CSMD2: variants seen among roughly 807,000 people sequenced by gnomAD.
CSMD2 encodes the protein CUB and Sushi multiple domains 2.
A neutral mutation model predicts 398.5 loss-of-function variants in CSMD2; 130 were observed. That is an observed-to-expected ratio of 0.33 (90% CI 0.28 to 0.38). CSMD2 has a LOEUF of 0.38. Ranked by LOEUF, CSMD2 falls within the 10% of genes least tolerant of loss-of-function variation. The probability of loss-of-function intolerance (pLI) is 1.00; values close to 1 mark genes in which losing one functional copy is unlikely to be tolerated. For missense variants in CSMD2, 3,829 were observed against 4,764.9 expected (o/e 0.80, Z 5.78); for synonymous variants, 1,828 against 1,908.5 (o/e 0.96, Z 1.10).
intron 28 of CSMD2, among the ~76,000 whole-genome samples, chr1:33,651,784 C>T (rs1265154058): frequency 6.6e-6 from 1 of 152,066 alleles, no homozygotes; most frequent in Non-Finnish European, 1.5e-5. Flanking sequence ...AGAGGAGTTT[C>T]CAGTAGAACC....
intron 1 of CSMD2, among the ~76,000 whole-genome samples, chr1:34,137,390 T>C (rs889667867): frequency 2.0e-5 from 3 of 152,210 alleles, no homozygotes; most frequent in Non-Finnish European, 4.4e-5. Flanking sequence ...AGCAAGTCTT[T>C]TTCCACACTT....
chr1:33,567,966 G>A (rs1349760435), intron 52 of CSMD2, 125 bp from the exon 53 acceptor site: 1 of 1,196,504 alleles, frequency 8.4e-7, no homozygotes, highest in Non-Finnish European at 1.2e-6. Flanking sequence ...AAATAGTGTT[G>A]AGGACTTGGC....
chr1:33,745,298 A>T (rs1194730929), intron 13 of CSMD2, among the ~76,000 whole-genome samples: 1 of 152,168 alleles, frequency 6.6e-6, no homozygotes, highest in Non-Finnish European at 1.5e-5. Flanking sequence ...TCAAAATGAA[A>T]CAACATTTAA....
chr1:33,755,793 G>A (rs1569750721), intron 13 of CSMD2, among the ~76,000 whole-genome samples: 1 of 151,514 alleles, frequency 6.6e-6, no homozygotes, highest in African/African-American at 2.4e-5. Flanking sequence ...CTATAGGTGT[G>A]TGCCACTATG....
At chr1:33,570,211 A>G (rs1282609340) in intron 51 of CSMD2, among the ~76,000 whole-genome samples, 1 of 139,454 alleles carries the variant, frequency 7.2e-6, no homozygotes, top group African/African-American at 2.7e-5. Context: ...ACAGTCGTCC[A>G]GGCTGGAGTG....
At chr1:34,156,031 T>C (rs963367230) in intron 1 of CSMD2, among the ~76,000 whole-genome samples, 2 of 152,234 alleles carry the variant, frequency 1.3e-5, no homozygotes, top group African/African-American at 4.8e-5. Flanking sequence ...GGATCTGCTA[T>C]GAGTCAGCCC....
intron 25 of CSMD2, among the ~76,000 whole-genome samples, chr1:33,685,156 T>C (rs1452329316): frequency 6.6e-6 from 1 of 152,136 alleles, no homozygotes; most frequent in Admixed American, 6.5e-5. Context: ...AACACAGACA[T>C]AATGTCTGGA....
intron 3 of CSMD2, among the ~76,000 whole-genome samples, chr1:34,017,127 T>C (rs1255406871): frequency 6.6e-6 from 1 of 152,186 alleles, no homozygotes; most frequent in Non-Finnish European, 1.5e-5. Context: ...CAGAGCTTGA[T>C]CAATCAAAGC....
At chr1:33,760,015 T>C (rs1407120367) in intron 13 of CSMD2, among the ~76,000 whole-genome samples, 2 of 152,222 alleles carry the variant, frequency 1.3e-5, no homozygotes, top group Non-Finnish European at 2.9e-5. Flanking sequence ...GGTAGGGGTC[T>C]GATGATTGCT....
chr1:33,597,332 T>A (rs542837054), intron 44 of CSMD2, among the ~76,000 whole-genome samples: 1 of 152,248 alleles, frequency 6.6e-6, no homozygotes, highest in African/African-American at 2.4e-5. Flanking sequence ...TTACTTTGCA[T>A]GGAATTCTAC....
At chr1:33,651,387 C>T (rs1246085713) in intron 28 of CSMD2, among the ~76,000 whole-genome samples, 1 of 152,178 alleles carries the variant, frequency 6.6e-6, no homozygotes, top group Admixed American at 6.5e-5. Context: ...TGATTTTGTA[C>T]ATGCTCATTT....
chr1:33,939,396 G>A (rs1305744315), intron 3 of CSMD2, among the ~76,000 whole-genome samples: 1 of 152,176 alleles, frequency 6.6e-6, no homozygotes, highest in African/African-American at 2.4e-5. Context: ...TATGAGTGTG[G>A]GGTGGGAAGG....
At chr1:33,621,072 C>T (rs1641740144) in intron 37 of CSMD2, among the ~76,000 whole-genome samples, 1 of 152,180 alleles carries the variant, frequency 6.6e-6, no homozygotes, top group Admixed American at 6.5e-5. Flanking sequence ...GCAAACTTAA[C>T]TCAGGCATCC....
intron 2 of CSMD2, among the ~76,000 whole-genome samples, chr1:34,056,202 C>T (rs984702818): frequency 1.2e-4 from 19 of 152,140 alleles, no homozygotes; most frequent in Non-Finnish European, 8.8e-5. Context: ...TTCTTTAAGA[C>T]TTGTGTTCAA....
At chr1:33,692,187 G>A (rs1645263355) in intron 25 of CSMD2, among the ~76,000 whole-genome samples, 1 of 152,248 alleles carries the variant, frequency 6.6e-6, no homozygotes, top group Non-Finnish European at 1.5e-5. Flanking sequence ...TCTGTGTTCA[G>A]TAAATGGTGA....
At chr1:33,526,819 G>A (rs1654816774) in intron 65 of CSMD2, among the ~76,000 whole-genome samples, 1 of 152,216 alleles carries the variant, frequency 6.6e-6, no homozygotes, top group Non-Finnish European at 1.5e-5. Context: ...GTGATACTTG[G>A]AAAGACCCCA....
chr1:33,790,164 G>C (rs1342936514), intron 11 of CSMD2, among the ~76,000 whole-genome samples: 1 of 152,158 alleles, frequency 6.6e-6, no homozygotes, highest in East Asian at 1.9e-4. Context: ...ATGAGTGATG[G>C]GGATGCACCA....
intron 6 of CSMD2, among the ~76,000 whole-genome samples, chr1:33,826,250 C>T (rs1474296542): frequency 6.6e-6 from 1 of 152,220 alleles, no homozygotes; most frequent in East Asian, 1.9e-4. Flanking sequence ...TCATTGTATT[C>T]TCACCATTTG....
At chr1:33,740,843 G>GCA (rs1223626071) in intron 14 of CSMD2, among the ~76,000 whole-genome samples, 1 of 152,070 alleles carries the variant, frequency 6.6e-6, no homozygotes, top group Non-Finnish European at 1.5e-5. Flanking sequence ...GCGTGCATGC[G>GCA]CACACACACA....
Sources: allele counts gnomAD v4.1 joint callset (sites outside exome capture counted in the v4.1 genomes callset), GRCh38; gene constraint gnomAD v4.1.1; transcripts MANE v1.5; gene names NCBI Gene and HGNC (gene_info 2026-07-23, HGNC 2026-07-21).